Variants in ZNF436 observed in about 807,000 individuals in gnomAD.
The protein encoded by ZNF436 is zinc finger protein 436.
A neutral mutation model predicts 41.9 loss-of-function variants in ZNF436; 22 were observed. The ratio of observed to expected loss-of-function variants is 0.53; its 90% CI spans 0.38 to 0.75. ZNF436 has a LOEUF of 0.75. ZNF436 is among the 30% of genes least tolerant of loss of function. The pLI, the probability that ZNF436 is intolerant of heterozygous loss-of-function variation, is 0.00. For missense variants in ZNF436, 506 were observed against 587.3 expected (o/e 0.86, Z 1.43); for synonymous variants, 217 against 197.8 (o/e 1.10, Z -0.82).
In ZNF436 at chr1:23,361,943, C is replaced by A. The variant is rs543614441; in HGVS notation, c.*26G>T. 12 of 1,544,414 alleles carry A rather than the reference C, an allele frequency of 7.8e-6. No individual in the cohort carries two copies. The highest frequency in any genetic ancestry group is 2.1e-5 in the Admixed American group (1 of 48,248). Reference sequence around the variant, plus strand: ...AATAAAATTGTATCTTCAAATGAATCATTTCTCAGCCATCATAATTACAGC... The same window carrying A: ...AATAAAATTGTATCTTCAAATGAATAATTTCTCAGCCATCATAATTACAGC... On this transcript the variant is annotated 3_prime_UTR_variant, in exon 4 of 4. Coordinates refer to ENST00000314011, the MANE Select transcript of ZNF436 (RefSeq NM_001077195.2).
chr1:23,361,798 T>C lies in ZNF436; in HGVS notation c.*171A>G, dbSNP rs1638236453. The C allele has an allele frequency of 1.6e-6, 1 of 639,822 alleles. No individual in the cohort carries two copies. Among genetic ancestry groups the C allele is most frequent in the Non-Finnish European group, 2.5e-6 (1 of 397,612 alleles). The allele number at this position is 639,822 out of a possible 1,614,324, so 39.6% of individuals were successfully genotyped here. On this transcript the variant is annotated 3_prime_UTR_variant, in exon 4 of 4. Transcript: ENST00000314011. ...AATCACCATTTTGGAGGAGATAACATTCCCAAAGCTGAGGGTCAGAATTTC... is the reference window on the plus strand; with the variant it reads ...AATCACCATTTTGGAGGAGATAACACTCCCAAAGCTGAGGGTCAGAATTTC...
At chr1:23,367,630 T>C (rs2148531503) in intron 2 of ZNF436, among the ~76,000 whole-genome samples, 1 of 152,340 alleles carries the variant, frequency 6.6e-6, no homozygotes, top group East Asian at 1.9e-4. Context: ...ATTCCCACAC[T>C]ACAGCACTTT....
In ZNF436 at chr1:23,367,273, T is replaced by G. The variant is rs962407579; in HGVS notation, c.34-105A>C. On this transcript the variant is annotated intron_variant, in intron 2 of 3. Coordinates refer to ENST00000314011, the MANE Select transcript of ZNF436 (RefSeq NM_001077195.2). ...GGAAAAATATATTAAATGTGACCTA[T>G]AGAGTCCAAATAAGAAATAAACAAG... 2.3e-6 allele frequency: 3 copies of G among 1,286,744 alleles called. No individual in the cohort carries two copies. In the African/African-American group the frequency reaches 4.5e-5, roughly 19 times the overall value. 79.7% of individuals were successfully genotyped at this position (1,286,744 alleles called of 1,614,324 possible).
intron 3 of ZNF436, among the ~76,000 whole-genome samples, chr1:23,363,577 C>T (rs1638296175): frequency 6.6e-6 from 1 of 152,180 alleles, no homozygotes; most frequent in Admixed American, 6.5e-5. Context: ...TTTATCACAG[C>T]TATTCTGAGA....
At chr1:23,366,373 G>GGCAAAGTGAT (rs1638359010) in intron 3 of ZNF436, among the ~76,000 whole-genome samples, 1 of 152,078 alleles carries the variant, frequency 6.6e-6, no homozygotes, top group Admixed American at 6.5e-5. Context: ...GGCAAAGTGA[G>GGCAAAGTGAT]TCAAAAGACC....
chr1:23,367,194 T>A, intron 2 of ZNF436, 26 bp from the exon 3 acceptor site: 1 of 1,579,456 alleles, frequency 6.3e-7, no homozygotes. Context: ...ACTTCCCTAC[T>A]ATTCTGTATT....
chr1:23,361,996 A>C lies in ZNF436; in HGVS notation c.1386T>G (p.Ile462Met). 1 of 1,610,088 alleles carries C rather than the reference A, an allele frequency of 6.2e-7. No individual in the cohort carries two copies. Among genetic ancestry groups the C allele is most frequent in the Non-Finnish European group, 8.5e-7 (1 of 1,178,036 alleles). The change falls in exon 4 of 4, where the codon ATT becomes ATG. Residue 462 changes from isoleucine (I) to methionine (M), a missense_variant. Ile to Met is a conservative substitution (Grantham distance 10). This residue lies in a region of ZNF436 where 278 missense variants were observed against 372.1 expected (regional missense o/e 0.75). Coordinates refer to ENST00000314011, the MANE Select transcript of ZNF436 (RefSeq NM_001077195.2). ...AGTCCGTATGAACTCTCTTATGTTT[A>C]ATAAGAGCTGAGCTCCTGCTGAAAC... is the stretch of plus-strand genomic sequence containing the variant. ...EKSFSRSSAL[I>M]KHKRVHTD
Position 23,362,228 on chromosome 1 carries a change from G to C in ZNF436, c.1154C>G (p.Thr385Ser), listed in dbSNP as rs1393908590. The change falls in exon 4 of 4, where the codon ACT becomes AGT. Residue 385 changes from threonine to serine, a missense_variant. Coordinates refer to ENST00000314011, the MANE Select transcript of ZNF436 (RefSeq NM_001077195.2). ...SHLITHQKIH[T>S]GEKPYECNEC... ...ATTACACTCATAAGGCTTCTCTCCA[G>C]TGTGAATTTTCTGGTGTGTGATGAG... is the stretch of plus-strand genomic sequence containing the variant. The C allele has an allele frequency of 6.2e-7, 1 of 1,614,016 alleles. No homozygotes were observed. Among genetic ancestry groups the C allele is most frequent in the Non-Finnish European group, 8.5e-7 (1 of 1,180,034 alleles).
intron 3 of ZNF436, among the ~76,000 whole-genome samples, chr1:23,363,797 T>C (rs1394461877): frequency 6.6e-6 from 1 of 152,082 alleles, no homozygotes; most frequent in East Asian, 1.9e-4. Context: ...CCTAACACTT[T>C]AGGAGGCCAA....
At chr1:23,363,293 A>ATT (rs35676026) in intron 3 of ZNF436, 72 bp from the exon 4 acceptor site, 670 of 1,093,564 alleles carry the variant, frequency 6.1e-4, no homozygotes, top group Non-Finnish European at 7.3e-4. Context: ...ACTATACTAA[A>ATT]TTTTTTTTTT....
rs534309695 is a variant in ZNF436 at position 23,367,783 on chromosome 1, G to C, written c.33+190C>G. Among the ~76,000 whole-genome samples, 47 of 152,320 alleles carry C rather than the reference G, an allele frequency of 3.1e-4. 1 individual carries two copies. The highest frequency in any genetic ancestry group is 8.5e-4 in the Admixed American group (13 of 15,300). On this transcript the variant is annotated intron_variant, in intron 2 of 3. Transcript: ENST00000314011. ...TCTTTTATCTCCCCAGTATTTAAAG[G>C]CATACAGCAGGTGTTCGATATATGT...
chr1:23,361,330 C>G lies in ZNF436; in HGVS notation c.*639G>C, dbSNP rs949234929. ...CTGTGTCTCATTTTTCCTTTCCAAC[C>G]GTATCTTCAGTTAGCCTTCACAAAG... On this transcript the variant is annotated 3_prime_UTR_variant, in exon 4 of 4. Coordinates refer to ENST00000314011, the MANE Select transcript of ZNF436 (RefSeq NM_001077195.2). 6.6e-6 allele frequency: 1 copy of G among 152,654 alleles called. No individual in the cohort carries two copies. Among genetic ancestry groups the G allele is most frequent in the African/African-American group, 2.4e-5 (1 of 41,440 alleles). The allele number at this position is 152,654 out of a possible 1,614,324, so 9.5% of individuals were successfully genotyped here.
At chr1:23,367,248 G>C (rs1166283431) in intron 2 of ZNF436, 80 bp from the exon 3 acceptor site, 5 of 1,438,332 alleles carry the variant, frequency 3.5e-6, no homozygotes, top group Non-Finnish European at 4.7e-6. Context: ...ATATTCAGGA[G>C]GAAAAATATA....
Position 23,362,625 on chromosome 1 carries a change from C to T in ZNF436, c.757G>A (p.Glu253Lys). ...THSGEKPYECEECGKSFSRSS... is the reference protein window; with the variant it reads ...THSGEKPYECKECGKSFSRSS... ...CGGCTGAAGCTTTTCCCACACTCCT[C>T]ACACTCATAGGGTTTCTCACCACTG... Residue 253 changes from glutamate (E) to lysine (K), a missense_variant, in exon 4 of 4, where the codon GAG becomes AAG. Physicochemically the swap from Glu to Lys is moderately conservative, Grantham distance 56. Around this residue, in one of 2 missense-constraint regions of ZNF436, gnomAD observed 278 missense variants for 372.1 expected, o/e 0.75. Transcript: ENST00000314011. 1 of 1,613,968 alleles carries T rather than the reference C, an allele frequency of 6.2e-7. No individual in the cohort carries two copies. Among genetic ancestry groups the T allele is most frequent in the Non-Finnish European group, 8.5e-7 (1 of 1,179,906 alleles).
At chr1:23,367,448 C>G (rs1570191345) in intron 2 of ZNF436, among the ~76,000 whole-genome samples, 1 of 152,194 alleles carries the variant, frequency 6.6e-6, no homozygotes, top group African/African-American at 2.4e-5. Context: ...CATACCTTTA[C>G]TCATAATGTT....
At chr1:23,368,758 G>T (rs1638424307) in intron 1 of ZNF436, among the ~76,000 whole-genome samples, 1 of 152,236 alleles carries the variant, frequency 6.6e-6, no homozygotes, top group African/African-American at 2.4e-5. Flanking sequence ...TTAGGCGCTG[G>T]CCTGTGTTGA....
intron 1 of ZNF436, 136 bp downstream of exon 1, chr1:23,369,230 C>T (rs1358631538): frequency 2.3e-6 from 1 of 432,994 alleles, no homozygotes; most frequent in East Asian, 5.8e-5. Flanking sequence ...GCTACAGGGG[C>T]TCCCAGCGGC....
rs373584437 is a variant in ZNF436 at position 23,366,999 on chromosome 1, T to C, written c.160+43A>G. 14 of 1,588,038 alleles carry C rather than the reference T, an allele frequency of 8.8e-6. No individual in the cohort carries two copies. In the African/African-American group the frequency reaches 1.9e-4, roughly 21 times the overall value. ...AAAGAACTAAGTCATTTTGACACGATCTCAAAAACGTGGAGGCAAAGAAAG... is the reference window on the plus strand; with the variant it reads ...AAAGAACTAAGTCATTTTGACACGACCTCAAAAACGTGGAGGCAAAGAAAG... On this transcript the variant is annotated intron_variant, in intron 3 of 3. Transcript: ENST00000314011.
chr1:23,366,442 A>G (rs1349351016), intron 3 of ZNF436, among the ~76,000 whole-genome samples: 1 of 152,316 alleles, frequency 6.6e-6, no homozygotes, highest in East Asian at 1.9e-4. Context: ...TACAGCAAAG[A>G]GAGAAGACAG....
Sources: gnomAD v4.1 joint callset for allele counts (sites outside exome capture counted in the v4.1 genomes callset) on GRCh38, gnomAD v4.1.1 for gene constraint, gnomAD v4.1.1 regional missense constraint, MANE v1.5 for transcripts, NCBI Gene and HGNC (gene_info 2026-07-23, HGNC 2026-07-21) for gene names.